The following REEP3 variants were observed in gnomAD, a reference collection of about 807,000 sequenced individuals.
REEP3 encodes the protein receptor expression-enhancing protein 3.
REEP3 carries 20 observed loss-of-function variants against 41.3 expected under a neutral mutation model. The ratio of observed to expected loss-of-function variants is 0.48; its 90% CI spans 0.34 to 0.70. The LOEUF (loss-of-function observed/expected upper bound fraction) is 0.70. Ranked by LOEUF, REEP3 falls within the 30% of genes least tolerant of loss-of-function variation. The probability of loss-of-function intolerance (pLI) is 0.01; values close to 1 mark genes in which losing one functional copy is unlikely to be tolerated. For synonymous variants in REEP3, 104 were observed against 101.8 expected (o/e 1.02, Z -0.13); for missense variants, 271 against 308.8 (o/e 0.88, Z 0.92).
intron 1 of REEP3, among the ~76,000 whole-genome samples, chr10:63,538,920 G>A: frequency 6.6e-6 from 1 of 152,028 alleles, no homozygotes. Context: ...CATTCCATGT[G>A]CTGTGCTCAC....
At chr10:63,615,665 C>A (rs969544372) in intron 6 of REEP3, among the ~76,000 whole-genome samples, 9 of 152,044 alleles carry the variant, frequency 5.9e-5, no homozygotes, top group Admixed American at 5.2e-4. Context: ...CTGCCTCAGC[C>A]TCCCGAGTAG....
chr10:63,620,497 C>T (rs1464685449), intron 7 of REEP3, among the ~76,000 whole-genome samples: 2 of 152,108 alleles, frequency 1.3e-5, no homozygotes, highest in South Asian at 2.1e-4. Context: ...TGTCTTTATA[C>T]CCAGAAAGCA....
At chr10:63,613,201 G>A (rs766654182) in intron 6 of REEP3, among the ~76,000 whole-genome samples, 7 of 151,946 alleles carry the variant, frequency 4.6e-5, no homozygotes, top group Non-Finnish European at 1.0e-4. Context: ...TAGTAGAGAC[G>A]GGGTTTCACC....
chr10:63,523,829 A>G (rs1015457422), intron 1 of REEP3, among the ~76,000 whole-genome samples: 9 of 152,336 alleles, frequency 5.9e-5, no homozygotes, highest in African/African-American at 2.2e-4. Flanking sequence ...TCAAGAAAGA[A>G]GGGGTAAATG....
rs1956367294 is a variant in REEP3, at chr10:63,623,050, T to C, written c.*2181T>C. The C allele has an allele frequency of 2.0e-5, 3 of 152,328 alleles. No homozygotes were observed. In the South Asian group the frequency reaches 6.2e-4, roughly 32 times the overall value. 9.4% of individuals were successfully genotyped at this position (152,328 alleles called of 1,614,324 possible). On this transcript the variant is annotated 3_prime_UTR_variant, in exon 8 of 8. Transcript: ENST00000373758. ...TCTGGTCCCAGTATTAAACCTATTC[T>C]TTAGTAAACTCATATTACTGTTCTA...
chr10:63,523,782 G>A (rs1955327779), intron 1 of REEP3, among the ~76,000 whole-genome samples: 1 of 152,230 alleles, frequency 6.6e-6, no homozygotes, highest in African/African-American at 2.4e-5. Context: ...CTCGGGTGGG[G>A]AAAAAGCAAG....
At chr10:63,595,524 T>G (rs765842813) in intron 3 of REEP3, among the ~76,000 whole-genome samples, 1 of 152,238 alleles carries the variant, frequency 6.6e-6, no homozygotes, top group African/African-American at 2.4e-5. Context: ...TATCTTCATC[T>G]GCCCTTGACG....
At chr10:63,619,875 A>G in intron 7 of REEP3, 75 bp downstream of exon 7, 1 of 1,164,392 alleles carries the variant, frequency 8.6e-7, no homozygotes, top group Admixed American at 2.4e-5. Flanking sequence ...TAGGATATTA[A>G]TGATCCATAA....
At position 63,623,928 on chromosome 10, in the gene REEP3, TG is replaced by T. The variant is rs1269973592; in HGVS notation, c.*3060del. On this transcript the variant is annotated 3_prime_UTR_variant, in exon 8 of 8. Coordinates refer to ENST00000373758, the MANE Select transcript of REEP3 (RefSeq NM_001001330.3). ...ATGTCACCACCAAAGATTTCTACAG[TG>T]TTATAAAGTATATAAATATTCCAAA... 6.5e-6 allele frequency: 1 copy of T among 153,834 alleles called. No homozygotes were observed. The highest frequency in any genetic ancestry group is 6.5e-5 in the Admixed American group (1 of 15,274). The allele number at this position is 153,834 out of a possible 1,614,324, so 9.5% of individuals were successfully genotyped here.
intron 3 of REEP3, among the ~76,000 whole-genome samples, chr10:63,596,020 T>A (rs186122560): frequency 6.7e-4 from 102 of 152,350 alleles, no homozygotes; most frequent in African/African-American, 2.2e-3. Context: ...TCTGGGTCTG[T>A]TTCAAACCTT....
chr10:63,620,186 G>C (rs10995570), intron 7 of REEP3, among the ~76,000 whole-genome samples: 1 of 151,846 alleles, frequency 6.6e-6, no homozygotes, highest in Non-Finnish European at 1.5e-5. Context: ...TCTCGCCTCC[G>C]CCTCTCGAAG....
chr10:63,597,944 C>T (rs1278065906), intron 3 of REEP3, 80 bp from the exon 4 acceptor site: 2 of 1,261,540 alleles, frequency 1.6e-6, no homozygotes, highest in Admixed American at 4.6e-5. Flanking sequence ...AGTGACTGAA[C>T]TTTTTAAAAG....
intron 1 of REEP3, among the ~76,000 whole-genome samples, chr10:63,534,809 A>G (rs1271700311): frequency 1.3e-5 from 2 of 152,220 alleles, no homozygotes; most frequent in Non-Finnish European, 2.9e-5. Flanking sequence ...GATAAATATA[A>G]AGGAAATACT....
intron 1 of REEP3, among the ~76,000 whole-genome samples, chr10:63,551,508 A>C (rs907096247): frequency 1.1e-4 from 16 of 152,092 alleles, no homozygotes; most frequent in African/African-American, 3.9e-4. Flanking sequence ...GTGGTATGTA[A>C]ATCTGGGGAG....
chr10:63,548,519 CATAATTCACATCAAGT>C (rs1955599159), intron 1 of REEP3, among the ~76,000 whole-genome samples: 1 of 152,192 alleles, frequency 6.6e-6, no homozygotes, highest in South Asian at 2.1e-4. Context: ...GCTTAATTTA[CATAATTCACATCAAGT>C]ATAGGGAACT....
chr10:63,593,285 C>G (rs1408439317), intron 2 of REEP3, among the ~76,000 whole-genome samples: 1 of 152,142 alleles, frequency 6.6e-6, no homozygotes, highest in Admixed American at 6.5e-5. Flanking sequence ...TTTTTTGTCA[C>G]TCATGAGGTG....
intron 1 of REEP3, among the ~76,000 whole-genome samples, chr10:63,552,440 T>G (rs1183865076): frequency 6.6e-6 from 1 of 152,124 alleles, no homozygotes; most frequent in East Asian, 1.9e-4. Context: ...ATAACATTGA[T>G]GAACTATTAA....
At chr10:63,568,269 GTT>G (rs1228299728) in intron 2 of REEP3, among the ~76,000 whole-genome samples, 4 of 138,264 alleles carry the variant, frequency 2.9e-5, no homozygotes, top group Non-Finnish European at 1.6e-5. Flanking sequence ...ATCCTTGTTT[GTT>G]TTTTTTTTTT....
At chr10:63,535,852 A>T (rs1955468990) in intron 1 of REEP3, among the ~76,000 whole-genome samples, 1 of 152,248 alleles carries the variant, frequency 6.6e-6, no homozygotes, top group African/African-American at 2.4e-5. Flanking sequence ...TAAATGTATT[A>T]TCTGCCCAAG....
Sources: allele counts gnomAD v4.1 joint callset (sites outside exome capture counted in the v4.1 genomes callset), GRCh38; gene constraint gnomAD v4.1.1; transcripts MANE v1.5; gene names NCBI Gene and HGNC (gene_info 2026-07-23, HGNC 2026-07-21).